SLC30A8: variants seen among roughly 807,000 people sequenced by gnomAD.
SLC30A8 encodes proton-coupled zinc antiporter SLC30A8.
Under a neutral mutation model 36.9 loss-of-function variants are expected in SLC30A8, and 27 were observed. The ratio of observed to expected loss-of-function variants is 0.73; its 90% CI spans 0.54 to 1.01. The LOEUF is 1.01. SLC30A8 is among the 50% of genes least tolerant of loss of function. SLC30A8 has a pLI of 0.00. For synonymous variants in SLC30A8, 164 were observed against 172.4 expected (o/e 0.95, Z 0.38); for missense variants, 439 against 452.0 (o/e 0.97, Z 0.26).
chr8:117,098,493 G>A (rs370353290), intron 2 of SLC30A8, among the ~76,000 whole-genome samples: 1 of 152,070 alleles, frequency 6.6e-6, no homozygotes, highest in African/African-American at 2.4e-5. Context: ...TCCTATCCAC[G>A]GATGCGTGTC....
At chr8:117,034,871 AAGAAACAGAC>A (rs1444763237) in intron 1 of SLC30A8, among the ~76,000 whole-genome samples, 1 of 152,144 alleles carries the variant, frequency 6.6e-6, no homozygotes, top group Non-Finnish European at 1.5e-5. Context: ...GAGACAGAGA[AAGAAACAGAC>A]AGAAAGAGAG....
At chr8:116,966,029 A>C (rs1319145576) in intron 1 of SLC30A8, among the ~76,000 whole-genome samples, 1 of 151,824 alleles carries the variant, frequency 6.6e-6, no homozygotes, top group Non-Finnish European at 1.5e-5. Flanking sequence ...GATTACAGGC[A>C]CACACCACCA....
chr8:116,969,166 G>T (rs1814699701), intron 1 of SLC30A8, among the ~76,000 whole-genome samples: 1 of 152,094 alleles, frequency 6.6e-6, no homozygotes, highest in African/African-American at 2.4e-5. Flanking sequence ...GCCTGTAATT[G>T]AAGCAATTTG....
intron 2 of SLC30A8, among the ~76,000 whole-genome samples, chr8:117,109,639 T>G (rs1322115972): frequency 6.6e-6 from 1 of 152,192 alleles, no homozygotes. Flanking sequence ...ATTTAATGAA[T>G]GGCCCCTTAT....
intron 1 of SLC30A8, among the ~76,000 whole-genome samples, chr8:116,974,749 G>A (rs1203915130): frequency 6.6e-6 from 1 of 152,092 alleles, no homozygotes; most frequent in African/African-American, 2.4e-5. Context: ...TATGTTTATT[G>A]TGGCACTATT....
intron 2 of SLC30A8, among the ~76,000 whole-genome samples, chr8:117,109,514 C>A (rs1259614727): frequency 6.6e-6 from 1 of 152,002 alleles, no homozygotes; most frequent in Non-Finnish European, 1.5e-5. Context: ...TTCCAGTCAC[C>A]TTTTAAATCC....
At chr8:117,051,703 C>T (rs1219691398) in intron 2 of SLC30A8, among the ~76,000 whole-genome samples, 1 of 152,028 alleles carries the variant, frequency 6.6e-6, no homozygotes, top group Non-Finnish European at 1.5e-5. Flanking sequence ...GTCCCAGCTA[C>T]TCGGGAGACT....
chr8:117,011,462 T>C (rs1471046291), intron 1 of SLC30A8, among the ~76,000 whole-genome samples: 1 of 152,164 alleles, frequency 6.6e-6, no homozygotes, highest in Non-Finnish European at 1.5e-5. Flanking sequence ...ATGGAGTAGA[T>C]AGTTTCCAAA....
chr8:117,045,933 C>A (rs934072069), intron 2 of SLC30A8, among the ~76,000 whole-genome samples: 1 of 151,798 alleles, frequency 6.6e-6, no homozygotes, highest in Non-Finnish European at 1.5e-5. Context: ...TTTTTTTCCC[C>A]CTTCTTTTTT....
intron 1 of SLC30A8, among the ~76,000 whole-genome samples, chr8:117,138,128 A>T (rs1300122493): frequency 6.6e-6 from 1 of 151,740 alleles, no homozygotes; most frequent in Non-Finnish European, 1.5e-5. Context: ...AACACGAAAA[A>T]CAATCAATGT....
intron 1 of SLC30A8, among the ~76,000 whole-genome samples, chr8:116,991,325 GA>G (rs1193837748): frequency 6.9e-6 from 1 of 145,530 alleles, no homozygotes; most frequent in Non-Finnish European, 1.5e-5. Flanking sequence ...TTTTTTGTTT[GA>G]GACAGTTTTA....
chr8:117,110,257 A>G (rs1168695750), intron 2 of SLC30A8, among the ~76,000 whole-genome samples: 2 of 150,064 alleles, frequency 1.3e-5, no homozygotes, highest in Admixed American at 6.6e-5. Context: ...CAGCAACATT[A>G]CTTAAAAAAA....
intron 2 of SLC30A8, among the ~76,000 whole-genome samples, chr8:117,063,267 C>T (rs1347524004): frequency 1.3e-5 from 2 of 152,126 alleles, no homozygotes; most frequent in African/African-American, 4.8e-5. Flanking sequence ...TGCTAAATCT[C>T]TCTTTTATCG....
At position 117,128,725 on chromosome 8, in the gene SLC30A8, A is replaced by G. The variant is rs549819007; in HGVS notation, c.-225-6555A>G. On this transcript the variant is annotated intron_variant, in intron 2 of 10. Coordinates refer to the SLC30A8 transcript ENST00000427715. ...TATTTTAGCAAGAAATAACTTCTCA[A>G]TCCTTAGCATAAATAGTGTACACAA... Among the ~76,000 whole-genome samples, 34 of 152,178 alleles carry G rather than the reference A, an allele frequency of 2.2e-4. No homozygotes were observed. The South Asian group carries it at 7.0e-3, about 32-fold the overall frequency.
intron 2 of SLC30A8, among the ~76,000 whole-genome samples, chr8:117,061,253 C>T (rs923801959): frequency 6.6e-6 from 1 of 152,194 alleles, no homozygotes; most frequent in Non-Finnish European, 1.5e-5. Context: ...ATCTACCTAT[C>T]CATCACCCAT....
At chr8:117,018,257 A>AATACATAC (rs139753003) in intron 1 of SLC30A8, 1 of 136,990 alleles carries the variant, frequency 7.3e-6, no homozygotes, top group East Asian at 2.3e-4. Flanking sequence ...CTTATAAATA[A>AATACATAC]ATACATACAT....
At chr8:117,114,941 G>A (rs978318545) in intron 2 of SLC30A8, among the ~76,000 whole-genome samples, 6 of 151,734 alleles carry the variant, frequency 4.0e-5, no homozygotes, top group African/African-American at 1.2e-4. Flanking sequence ...GTCTTGCTCT[G>A]TCACCCAAGC....
intron 2 of SLC30A8, among the ~76,000 whole-genome samples, chr8:117,054,200 G>A (rs1373257675): frequency 6.6e-6 from 1 of 150,672 alleles, no homozygotes; most frequent in Non-Finnish European, 1.5e-5. Flanking sequence ...CTGGACTCAA[G>A]TGATCTTCCC....
intron 1 of SLC30A8, among the ~76,000 whole-genome samples, chr8:117,037,288 A>G (rs1425133503): frequency 6.6e-6 from 1 of 152,200 alleles, no homozygotes; most frequent in Non-Finnish European, 1.5e-5. Flanking sequence ...CTTATTCACC[A>G]TAATAACTGC....
Sources: allele counts gnomAD v4.1 joint callset (sites outside exome capture counted in the v4.1 genomes callset), GRCh38; gene constraint gnomAD v4.1.1; transcripts MANE v1.5; gene names NCBI Gene and HGNC (gene_info 2026-07-23, HGNC 2026-07-21).